GRID2: variants seen among roughly 807,000 people sequenced by gnomAD.
The protein encoded by GRID2 is glutamate ionotropic receptor delta type subunit 2.
In GRID2, 33 loss-of-function variants were observed where a neutral mutation model predicts 114.8. The ratio of observed to expected loss-of-function variants is 0.29; its 90% CI spans 0.22 to 0.38. The LOEUF is 0.38. Among genes scored for constraint, GRID2 ranks in the 10% least tolerant of loss-of-function variants. The probability of loss-of-function intolerance (pLI) is 1.00; values close to 1 mark genes in which losing one functional copy is unlikely to be tolerated. For missense variants in GRID2, 1,184 were observed against 1,257.7 expected, an observed-to-expected ratio of 0.94 and a Z score of 0.89; for synonymous variants, 505 against 449.9, an observed-to-expected ratio of 1.12 and a Z score of -1.55.
intron 2 of GRID2, among the ~76,000 whole-genome samples, chr4:92,914,839 G>T (rs762713928): frequency 3.9e-5 from 6 of 152,004 alleles, no homozygotes; most frequent in Non-Finnish European, 7.4e-5. Context: ...TGTTTGTGTT[G>T]ATTCTATGTC....
chr4:92,562,924 C>G (rs10516909), intron 1 of GRID2, among the ~76,000 whole-genome samples: 1 of 151,972 alleles, frequency 6.6e-6, no homozygotes, highest in Admixed American at 6.6e-5. Flanking sequence ...AATTTTACTA[C>G]GGAATCACTT....
At chr4:92,796,854 T>A (rs1301486481) in intron 2 of GRID2, among the ~76,000 whole-genome samples, 1 of 151,912 alleles carries the variant, frequency 6.6e-6, no homozygotes, top group African/African-American at 2.4e-5. Flanking sequence ...TGTTCTCAAA[T>A]CATGTTAGAG....
At chr4:92,582,339 G>A (rs952926101) in intron 1 of GRID2, among the ~76,000 whole-genome samples, 1 of 151,834 alleles carries the variant, frequency 6.6e-6, no homozygotes, top group Non-Finnish European at 1.5e-5. Flanking sequence ...ATATGTCATA[G>A]TCCATATTCT....
intron 1 of GRID2, among the ~76,000 whole-genome samples, chr4:93,793,256 A>G (rs1360237006): frequency 6.6e-6 from 1 of 152,208 alleles, no homozygotes; most frequent in African/African-American, 2.4e-5. Flanking sequence ...AAGCTGTGTA[A>G]GAAAATGTCT....
intron 2 of GRID2, among the ~76,000 whole-genome samples, chr4:92,652,604 C>A (rs1242709243): frequency 3.8e-5 from 5 of 133,276 alleles, no homozygotes; most frequent in Admixed American, 3.7e-4. Flanking sequence ...ATTGCTTGAG[C>A]CTGGAAAGTT....
chr4:92,611,610 A>G (rs1479454304), intron 2 of GRID2, among the ~76,000 whole-genome samples: 3 of 151,580 alleles, frequency 2.0e-5, no homozygotes, highest in Non-Finnish European at 4.4e-5. Context: ...CAGTTTTATG[A>G]TACATTAATG....
At chr4:93,752,677 A>G (rs985798455) in intron 14 of GRID2, among the ~76,000 whole-genome samples, 1 of 152,112 alleles carries the variant, frequency 6.6e-6, no homozygotes, top group African/African-American at 2.4e-5. Context: ...GCCAATACTC[A>G]TACTCTTAAC....
At chr4:92,332,669 A>C (rs1316181507) in intron 1 of GRID2, among the ~76,000 whole-genome samples, 1 of 152,240 alleles carries the variant, frequency 6.6e-6, no homozygotes, top group Non-Finnish European at 1.5e-5. Context: ...TCCATCTGTG[A>C]AATTAACAAG....
At chr4:92,695,363 T>G (rs962781441) in intron 2 of GRID2, among the ~76,000 whole-genome samples, 8 of 152,248 alleles carry the variant, frequency 5.3e-5, no homozygotes, top group African/African-American at 7.2e-5. Context: ...TTATTCTTTC[T>G]TATTGCAGTA....
At chr4:92,594,994 A>C (rs1376508375) in intron 2 of GRID2, among the ~76,000 whole-genome samples, 2 of 152,034 alleles carry the variant, frequency 1.3e-5, no homozygotes, top group Non-Finnish European at 2.9e-5. Flanking sequence ...AGGTGAATGA[A>C]GTATGAATCC....
At chr4:93,719,048 T>TA (rs1674101971) in intron 14 of GRID2, among the ~76,000 whole-genome samples, 2 of 151,806 alleles carry the variant, frequency 1.3e-5, no homozygotes, top group African/African-American at 4.8e-5. Context: ...TTATATATTA[T>TA]ACGAAATATA....
At chr4:93,193,245 C>T (rs1741160868) in intron 4 of GRID2, among the ~76,000 whole-genome samples, 1 of 152,096 alleles carries the variant, frequency 6.6e-6, no homozygotes, top group Non-Finnish European at 1.5e-5. Flanking sequence ...CTCCTTGGGT[C>T]TGAAGGAGAC....
At chr4:92,367,842 T>C (rs1290098092) in intron 1 of GRID2, among the ~76,000 whole-genome samples, 3 of 152,260 alleles carry the variant, frequency 2.0e-5, no homozygotes, top group South Asian at 4.1e-4. Context: ...TGATCTCTCA[T>C]TGGACTGCAC....
At chr4:93,028,000 T>G (rs1213584515) in intron 2 of GRID2, among the ~76,000 whole-genome samples, 1 of 152,144 alleles carries the variant, frequency 6.6e-6, no homozygotes, top group Non-Finnish European at 1.5e-5. Flanking sequence ...TAGAAGAACA[T>G]AAATCCATTA....
At chr4:93,391,169 G>A (rs1764816557) in intron 8 of GRID2, among the ~76,000 whole-genome samples, 1 of 152,126 alleles carries the variant, frequency 6.6e-6, no homozygotes, top group African/African-American at 2.4e-5. Flanking sequence ...CTATCTTGCA[G>A]GTGGAAATAC....
chr4:92,769,550 A>G (rs1350840116), intron 2 of GRID2, among the ~76,000 whole-genome samples: 2 of 152,148 alleles, frequency 1.3e-5, no homozygotes, highest in Non-Finnish European at 2.9e-5. Flanking sequence ...TCTCCATGAG[A>G]GCACCATCCC....
chr4:93,586,715 G>A (rs1737569171), intron 13 of GRID2, among the ~76,000 whole-genome samples: 1 of 152,044 alleles, frequency 6.6e-6, no homozygotes, highest in African/African-American at 2.4e-5. Flanking sequence ...ATGATGGTCT[G>A]GATGCAAAAC....
chr4:93,680,521 A>C, intron 14 of GRID2, among the ~76,000 whole-genome samples: 1 of 151,260 alleles, frequency 6.6e-6, no homozygotes, highest in Non-Finnish European at 1.5e-5. Flanking sequence ...TTGATGCAAA[A>C]ATCCTCAATA....
chr4:93,521,139 G>A (rs756013602), intron 13 of GRID2, among the ~76,000 whole-genome samples: 11 of 152,262 alleles, frequency 7.2e-5, no homozygotes, highest in African/African-American at 2.6e-4. Context: ...TTTGGCTTAC[G>A]TAGGTGGAGG....
Sources: gnomAD v4.1 joint callset for allele counts (sites outside exome capture counted in the v4.1 genomes callset) on GRCh38, gnomAD v4.1.1 for gene constraint, MANE v1.5 for transcripts, NCBI Gene and HGNC (gene_info 2026-07-23, HGNC 2026-07-21) for gene names.